MTMR8: variants seen among roughly 807,000 people sequenced by gnomAD.
MTMR8 encodes phosphatidylinositol-3,5-bisphosphate 3-phosphatase MTMR8.
Under a neutral mutation model 39.3 loss-of-function variants are expected in MTMR8, and 65 were observed. The observed-to-expected ratio is 1.65, with a 90% CI of 1.35 to 2.03. MTMR8 has a LOEUF of 2.03. MTMR8 is among the 30% of genes most tolerant of loss of function. The pLI, the probability that MTMR8 is intolerant of heterozygous loss-of-function variation, is 0.00. For missense variants in MTMR8, 777 were observed against 538.9 expected (o/e 1.44, Z -4.37); for synonymous variants, 245 against 185.2 (o/e 1.32, Z -2.62).
chrX:64,371,926 A>T (rs909697100), intron 1 of MTMR8, among the ~76,000 whole-genome samples: 4 of 109,643 alleles, frequency 3.6e-5, no homozygotes, highest in South Asian at 3.9e-4. Flanking sequence ...GCCATTAAAA[A>T]TTTTTCCAGA....
intron 12 of MTMR8, among the ~76,000 whole-genome samples, chrX:64,319,617 C>A (rs965223426): frequency 5.4e-5 from 6 of 111,947 alleles, no homozygotes; most frequent in African/African-American, 2.0e-4. Flanking sequence ...CAGCTTTCTA[C>A]ATATGGCTAG....
chrX:64,311,787 C>A (rs1336065981), intron 12 of MTMR8, among the ~76,000 whole-genome samples: 3 of 68,042 alleles, frequency 4.4e-5, no homozygotes, highest in Non-Finnish European at 7.2e-5. Context: ...TTTTTTTTGG[C>A]AGGTTTGTCA....
At chrX:64,391,534 TC>T (rs1051766904) in intron 1 of MTMR8, among the ~76,000 whole-genome samples, 5 of 111,948 alleles carry the variant, frequency 4.5e-5, no homozygotes, top group African/African-American at 1.3e-4. Context: ...GCTTGGCATC[TC>T]ATCACCTTAC....
At chrX:64,297,836 G>A (rs1403442731) in intron 12 of MTMR8, among the ~76,000 whole-genome samples, 1 of 109,967 alleles carries the variant, frequency 9.1e-6, no homozygotes, top group Non-Finnish European at 1.9e-5. Context: ...TATTAAATAG[G>A]GAATCCTTTC....
At chrX:64,315,681 C>T (rs1391843193) in intron 12 of MTMR8, among the ~76,000 whole-genome samples, 4 of 110,746 alleles carry the variant, frequency 3.6e-5, no homozygotes, top group African/African-American at 1.3e-4. Flanking sequence ...TTTTTATCCA[C>T]TCTGCTAATT....
chrX:64,268,721 T>G lies in MTMR8; in HGVS notation c.1931A>C (p.Glu644Ala), dbSNP rs1444158835. 18 of 1,209,633 alleles carry G rather than the reference T, an allele frequency of 1.5e-5. No homozygotes were observed. The highest frequency in any genetic ancestry group is 2.0e-5 in the Non-Finnish European group (18 of 895,203). ...TAAGTCTTTGGAGAAGCCCGTAGCCTCAAAGGTGCACATGTCTCCAGAGAT... is the reference window on the plus strand; with the variant it reads ...TAAGTCTTTGGAGAAGCCCGTAGCCGCAAAGGTGCACATGTCTCCAGAGAT... ...MGISGDMCTF[E>A]ATGFSKDLGI... Residue 644 changes from glutamate to alanine, a missense_variant, in exon 14 of 14, where the codon GAG becomes GCG. Physicochemically the swap from Glu to Ala is moderately radical, Grantham distance 107. Transcript: ENST00000374852.
chrX:64,314,809 G>A (rs956767873), intron 12 of MTMR8, among the ~76,000 whole-genome samples: 1 of 111,823 alleles, frequency 8.9e-6, no homozygotes, highest in African/African-American at 3.3e-5. Flanking sequence ...ACGTGACCTC[G>A]GGGGCCACCC....
chrX:64,352,912 TA>T (rs903571201), intron 4 of MTMR8, among the ~76,000 whole-genome samples: 2 of 111,531 alleles, frequency 1.8e-5, no homozygotes, highest in African/African-American at 6.5e-5. Context: ...CTTTCAAGCG[TA>T]AATACTCTTG....
At chrX:64,353,012 T>A (rs1923525068) in intron 4 of MTMR8, among the ~76,000 whole-genome samples, 1 of 111,757 alleles carries the variant, frequency 8.9e-6, no homozygotes. Context: ...CTGACCTCCT[T>A]CCTTCTCCCC....
At chrX:64,340,012 C>A (rs1164616450) in intron 8 of MTMR8, among the ~76,000 whole-genome samples, 2 of 111,154 alleles carry the variant, frequency 1.8e-5, no homozygotes, top group Admixed American at 1.9e-4. Context: ...AAGGCATAAA[C>A]CTGTGATGGT....
rs768615597 is a variant in MTMR8 at position 64,318,092 on chromosome X, G to A, written c.1481+10680C>T. On this transcript the variant is annotated intron_variant, in intron 12 of 13. Coordinates refer to ENST00000374852, the MANE Select transcript of MTMR8 (RefSeq NM_017677.4). ...CTTCCTCTGATCATATCCAAGTGGG[G>A]AGGGGAAGAGTTACCTTATTACCAC... is the stretch of plus-strand genomic sequence containing the variant. Among the ~76,000 whole-genome samples the A allele has an allele frequency of 1.4e-3, 156 of 112,425 alleles. 1 individual carries two copies. Among genetic ancestry groups the A allele is most frequent in the Non-Finnish European group, 2.5e-3 (132 of 53,271 alleles).
At chrX:64,383,189 T>A (rs1349721025) in intron 1 of MTMR8, among the ~76,000 whole-genome samples, 1 of 110,941 alleles carries the variant, frequency 9.0e-6, no homozygotes, top group Admixed American at 9.7e-5. Flanking sequence ...TCCTGCAAAG[T>A]CATTCTTAAA....
intron 12 of MTMR8, among the ~76,000 whole-genome samples, chrX:64,285,270 T>G (rs1016863883): frequency 1.8e-5 from 2 of 111,670 alleles, no homozygotes; most frequent in African/African-American, 3.3e-5. Context: ...CAAGAAGAGC[T>G]AACTATCCTA....
Position 64,290,765 on chromosome X carries a change from C to T in MTMR8, c.1482-19692G>A, listed in dbSNP as rs886107062. On this transcript the variant is annotated intron_variant, in intron 12 of 13. Coordinates refer to ENST00000374852, the MANE Select transcript of MTMR8 (RefSeq NM_017677.4). ...ATTGGCATTTTTCACTTAACATATT[C>T]TCTGCAAGGTGTTGCATATATTTAG... 1.5e-4 allele frequency among the ~76,000 whole-genome samples: 17 copies of T among 112,219 alleles called. 1 individual carries two copies. The Admixed American group carries it at 1.5e-3, about 10-fold the overall frequency.
chrX:64,295,849 C>A (rs554503216), intron 12 of MTMR8, among the ~76,000 whole-genome samples: 2 of 111,849 alleles, frequency 1.8e-5, no homozygotes, highest in African/African-American at 6.5e-5. Flanking sequence ...AGTCCTTGTG[C>A]ATTGCTGATG....
Position 64,348,654 on chromosome X carries a change from A to G in MTMR8, c.732+6T>C, listed in dbSNP as rs373676976. ...AATATCAAAGAAATCACTGAGAAATAGATACCTTTGGTCTTGTGTCTACAA... is the reference window on the plus strand; with the variant it reads ...AATATCAAAGAAATCACTGAGAAATGGATACCTTTGGTCTTGTGTCTACAA... On this transcript the variant is annotated splice_donor_region_variant and intron_variant, in intron 6 of 13. Coordinates refer to ENST00000374852, the MANE Select transcript of MTMR8 (RefSeq NM_017677.4). 2.5e-6 allele frequency: 3 copies of G among 1,209,903 alleles called. No individual in the cohort carries two copies. Among genetic ancestry groups the G allele is most frequent in the Non-Finnish European group, 3.4e-6 (3 of 894,271 alleles).
intron 1 of MTMR8, among the ~76,000 whole-genome samples, chrX:64,372,544 C>T (rs1011041081): frequency 8.9e-5 from 10 of 111,928 alleles, no homozygotes; most frequent in Non-Finnish European, 1.1e-4. Context: ...ACAATTAATT[C>T]TTAAAGAATA....
At chrX:64,375,015 A>G (rs1411067756) in intron 1 of MTMR8, among the ~76,000 whole-genome samples, 1 of 103,000 alleles carries the variant, frequency 9.7e-6, no homozygotes, top group East Asian at 3.1e-4. Context: ...GGGCTCCTGA[A>G]TGGTGAGGGA....
rs1922869672 is a variant in MTMR8, at chrX:64,328,834, AG to A, written c.1418del (p.Pro473LeufsTer42). Reference sequence around the variant, plus strand: ...CATACATAGTGAAGCCTTTATAGAGAGGGTTCCTGAAGTCTGGTTTCCTCTG... The same window carrying A: ...CATACATAGTGAAGCCTTTATAGAGAGGTTCCTGAAGTCTGGTTTCCTCTG... Reference protein sequence around the residue: ...LVQRKPDFRNPLYKGFTMYGV... With the variant: ...LVQRKPDFRNXLYKGFTMYGV... On this transcript the variant is annotated frameshift_variant, in exon 12 of 14. Transcript: ENST00000374852. LOFTEE classifies it high-confidence loss of function. The A allele has an allele frequency of 8.3e-7, 1 of 1,203,222 alleles. No individual in the cohort carries two copies. The highest frequency in any genetic ancestry group is 1.1e-6 in the Non-Finnish European group (1 of 891,086).
Sources: allele counts gnomAD v4.1 joint callset (sites outside exome capture counted in the v4.1 genomes callset), GRCh38; gene constraint gnomAD v4.1.1; transcripts MANE v1.5; gene names NCBI Gene and HGNC (gene_info 2026-07-23, HGNC 2026-07-21).